Variants in PTPRD observed in about 807,000 individuals in gnomAD.
The protein encoded by PTPRD is receptor-type tyrosine-protein phosphatase delta.
PTPRD carries 34 observed loss-of-function variants against 214.5 expected under a neutral mutation model. The ratio of observed to expected loss-of-function variants is 0.16; its 90% CI spans 0.12 to 0.21. PTPRD has a LOEUF of 0.21. Ranked by LOEUF, PTPRD falls within the 10% of genes least tolerant of loss-of-function variation. The pLI, the probability that PTPRD is intolerant of heterozygous loss-of-function variation, is 1.00. For synonymous variants in PTPRD, 1,128 were observed against 845.7 expected (o/e 1.33, Z -5.79); for missense variants, 2,545 against 2,398.7 (o/e 1.06, Z -1.27).
intron 2 of PTPRD, among the ~76,000 whole-genome samples, chr9:10,492,837 G>T (rs552258025): frequency 1.3e-5 from 2 of 151,970 alleles, no homozygotes; most frequent in Non-Finnish European, 2.9e-5. Flanking sequence ...GGGTTTTTAT[G>T]GCTGTAGGTC....
chr9:8,726,544 C>A (rs1177139460), intron 12 of PTPRD, among the ~76,000 whole-genome samples: 5 of 122,952 alleles, frequency 4.1e-5, no homozygotes, highest in East Asian at 2.5e-4. Context: ...CCAGCCTGGC[C>A]AACATGGAGA....
At chr9:9,423,237 G>A (rs980227906) in intron 8 of PTPRD, among the ~76,000 whole-genome samples, 3 of 152,116 alleles carry the variant, frequency 2.0e-5, no homozygotes, top group Non-Finnish European at 4.4e-5. Context: ...CAACATGATG[G>A]TATTTGGAGA....
intron 2 of PTPRD, among the ~76,000 whole-genome samples, chr9:10,601,003 T>C (rs1162749405): frequency 6.6e-6 from 1 of 151,788 alleles, no homozygotes; most frequent in African/African-American, 2.4e-5. Context: ...TTTTTAGCTT[T>C]ATTATAAAAT....
At chr9:9,866,207 T>C (rs1437230674) in intron 5 of PTPRD, among the ~76,000 whole-genome samples, 1 of 152,280 alleles carries the variant, frequency 6.6e-6, no homozygotes, top group Admixed American at 6.5e-5. Flanking sequence ...TAGTAATTTG[T>C]ACTACACACT....
At chr9:10,421,705 A>T (rs191654768) in intron 2 of PTPRD, among the ~76,000 whole-genome samples, 1 of 151,892 alleles carries the variant, frequency 6.6e-6, no homozygotes, top group Non-Finnish European at 1.5e-5. Flanking sequence ...CTACCTATCA[A>T]TATCAGTAAC....
At chr9:10,408,841 T>G (rs1455076191) in intron 2 of PTPRD, among the ~76,000 whole-genome samples, 1 of 151,760 alleles carries the variant, frequency 6.6e-6, no homozygotes, top group Non-Finnish European at 1.5e-5. Flanking sequence ...TGTCAAATGC[T>G]TTGCAAGATA....
chr9:8,423,869 G>C (rs1213633502), intron 35 of PTPRD, among the ~76,000 whole-genome samples: 2 of 152,036 alleles, frequency 1.3e-5, no homozygotes, highest in Non-Finnish European at 2.9e-5. Context: ...AGAAGTCAAA[G>C]GCAGTCACTA....
At chr9:10,023,905 CAATAT>C (rs897499280) in intron 4 of PTPRD, among the ~76,000 whole-genome samples, 10 of 152,002 alleles carry the variant, frequency 6.6e-5, no homozygotes, top group Non-Finnish European at 1.2e-4. Context: ...CAGTGGTTTA[CAATAT>C]AATGATTATG....
At chr9:9,926,673 G>A (rs2084427369) in intron 5 of PTPRD, among the ~76,000 whole-genome samples, 1 of 152,066 alleles carries the variant, frequency 6.6e-6, no homozygotes, top group African/African-American at 2.4e-5. Flanking sequence ...AAAAATGATA[G>A]TTGAAAGCTA....
chr9:9,552,580 T>A (rs2080558857), intron 8 of PTPRD, among the ~76,000 whole-genome samples: 1 of 152,078 alleles, frequency 6.6e-6, no homozygotes, highest in Non-Finnish European at 1.5e-5. Context: ...GTAGTAAGCC[T>A]ATAGCAAACT....
intron 11 of PTPRD, among the ~76,000 whole-genome samples, chr9:8,831,652 T>C (rs1013179380): frequency 6.6e-6 from 1 of 152,144 alleles, no homozygotes; most frequent in Non-Finnish European, 1.5e-5. Context: ...ATGAAACATA[T>C]CATCTTCAAA....
intron 9 of PTPRD, among the ~76,000 whole-genome samples, chr9:9,216,119 A>G (rs1259764291): frequency 6.6e-6 from 1 of 152,140 alleles, no homozygotes; most frequent in Non-Finnish European, 1.5e-5. Context: ...CCAACCTTCT[A>G]AGTCTCAGTT....
intron 10 of PTPRD, among the ~76,000 whole-genome samples, chr9:9,095,206 G>A (rs2099781790): frequency 6.6e-6 from 1 of 151,984 alleles, no homozygotes; most frequent in South Asian, 2.1e-4. Context: ...CAAGGCAAGA[G>A]GTCTATTTTC....
intron 2 of PTPRD, among the ~76,000 whole-genome samples, chr9:10,382,624 A>C (rs1565676032): frequency 6.6e-6 from 1 of 151,928 alleles, no homozygotes; most frequent in Non-Finnish European, 1.5e-5. Flanking sequence ...GTTTGCTTAA[A>C]ATAAAGTTCT....
chr9:9,149,716 T>G (rs982320625), intron 10 of PTPRD, among the ~76,000 whole-genome samples: 3 of 152,198 alleles, frequency 2.0e-5, no homozygotes, highest in African/African-American at 4.8e-5. Flanking sequence ...AATGAAAACA[T>G]AGTCAATAAA....
chr9:10,074,960 G>C (rs1347821503), intron 3 of PTPRD, among the ~76,000 whole-genome samples: 2 of 152,068 alleles, frequency 1.3e-5, no homozygotes, highest in Admixed American at 1.3e-4. Flanking sequence ...AACGATTTAG[G>C]TGTCCTTTCC....
chr9:9,637,088 C>T (rs1356256006), intron 7 of PTPRD, among the ~76,000 whole-genome samples: 4 of 152,122 alleles, frequency 2.6e-5, no homozygotes, highest in Non-Finnish European at 5.9e-5. Context: ...TCCCAAAGGG[C>T]CCCACCTCCC....
chr9:8,726,589 ATATATATATATATATAT>A lies in PTPRD; in HGVS notation c.64+7174_64+7190del, dbSNP rs1212457636. On this transcript the variant is annotated intron_variant, in intron 12 of 45. Coordinates refer to ENST00000381196, the MANE Select transcript of PTPRD (RefSeq NM_002839.4). ...TCTACTAAAAAAAAAAAAAAAAAAA[ATATATATATATATATAT>A]ATATATATATATATATATATATATA... 2.1e-3 allele frequency among the ~76,000 whole-genome samples: 27 copies of A among 12,926 alleles called. 10 individuals carry two copies. Among genetic ancestry groups the A allele is most frequent in the African/African-American group, 6.6e-3 (17 of 2,560 alleles). 8.5% of individuals were successfully genotyped at this position (12,926 alleles called of 152,430 possible). A position where few individuals can be genotyped will look rare whatever the true frequency, so the allele number is the denominator to read the frequency against.
intron 21 of PTPRD, among the ~76,000 whole-genome samples, chr9:8,515,488 G>A (rs1479801197): frequency 6.6e-6 from 1 of 152,086 alleles, no homozygotes; most frequent in Non-Finnish European, 1.5e-5. Flanking sequence ...GTACCTCAGA[G>A]CATAACCTTA....
Sources: allele counts gnomAD v4.1 joint callset (sites outside exome capture counted in the v4.1 genomes callset), GRCh38; gene constraint gnomAD v4.1.1; transcripts MANE v1.5; gene names NCBI Gene and HGNC (gene_info 2026-07-23, HGNC 2026-07-21).